DHX58: variants seen among roughly 807,000 people sequenced by gnomAD.
The protein encoded by DHX58 is DExH-box helicase 58.
A neutral mutation model predicts 65.0 loss-of-function variants in DHX58; 51 were observed. That is an observed-to-expected ratio of 0.78 (90% CI 0.63 to 0.99). The LOEUF (loss-of-function observed/expected upper bound fraction) is 0.99. Ranked by LOEUF, DHX58 falls within the 50% of genes least tolerant of loss-of-function variation. The pLI, the probability that DHX58 is intolerant of heterozygous loss-of-function variation, is 0.00. For missense variants in DHX58, 773 were observed against 891.8 expected, an observed-to-expected ratio of 0.87 and a Z score of 1.70; for synonymous variants, 350 against 365.0, an observed-to-expected ratio of 0.96 and a Z score of 0.47.
intron 9 of DHX58, 124 bp downstream of exon 9, chr17:42,105,612 T>G: frequency 6.8e-7 from 1 of 1,468,404 alleles, no homozygotes; most frequent in Non-Finnish European, 8.9e-7. Flanking sequence ...TGCCTGGGGA[T>G]AGTCAACTTT....
Position 42,101,871 on chromosome 17 carries a change from G to T in DHX58, c.1927C>A (p.Pro643Thr), listed in dbSNP as rs2053984291. The T allele has an allele frequency of 6.2e-7, 1 of 1,614,102 alleles. No individual in the cohort carries two copies. Reference protein sequence around the residue: ...LKVRSMLLETPQGRIQAKKWS... With the variant: ...LKVRSMLLETTQGRIQAKKWS... Reference sequence around the variant, plus strand: ...TTTTTGGCCTGGATCCGCCCCTGAGGGGTCTCCAGCAGCATGCTGCGGACT... The same window carrying T: ...TTTTTGGCCTGGATCCGCCCCTGAGTGGTCTCCAGCAGCATGCTGCGGACT... The change falls in exon 14 of 14, where the codon CCT (proline) becomes ACT (threonine). Residue 643 changes from proline to threonine, a missense_variant. Transcript: ENST00000251642.
chr17:42,104,727 C>T (rs782746629), intron 11 of DHX58, 39 bp downstream of exon 11: 1 of 1,607,402 alleles, frequency 6.2e-7, no homozygotes, highest in Non-Finnish European at 8.5e-7. Flanking sequence ...GCTCCCTCCT[C>T]CCCATCCCTC....
chr17:42,111,984 A>T, intron 2 of DHX58, 91 bp from the exon 3 acceptor site: 1 of 1,471,766 alleles, frequency 6.8e-7, no homozygotes, highest in Non-Finnish European at 9.1e-7. Flanking sequence ...CCCTTTGCCC[A>T]GGACTCCACC....
At position 42,107,585 on chromosome 17, in the gene DHX58, G is replaced by GCCCCCACCCC; in HGVS notation, c.997+18_997+19insGGGGTGGGGG. ...AGGTCCCATCATCCCCGGCCCCGAA[G>GCCCCCACCCC]CCCCCTCCCGCCCCTCACCATCGAA... On this transcript the variant is annotated intron_variant, in intron 8 of 13. Transcript: ENST00000251642. The GCCCCCACCCC allele has an allele frequency of 8.4e-7, 1 of 1,193,364 alleles. No individual in the cohort carries two copies. The highest frequency in any genetic ancestry group is 1.2e-6 in the Non-Finnish European group (1 of 854,254). The allele number at this position is 1,193,364 out of a possible 1,614,324, so 73.9% of individuals were successfully genotyped here. A position where few individuals can be genotyped will look rare whatever the true frequency, so the allele number is the denominator to read the frequency against.
intron 9 of DHX58, among the ~76,000 whole-genome samples, chr17:42,105,430 C>A (rs899280532): frequency 6.6e-6 from 1 of 152,118 alleles, no homozygotes; most frequent in Non-Finnish European, 1.5e-5. Context: ...AAGCCATAGT[C>A]TTCTGCAAGG....
chr17:42,108,282 A>C (rs2054096675), intron 6 of DHX58, among the ~76,000 whole-genome samples, 174 bp from the exon 7 acceptor site: 1 of 151,904 alleles, frequency 6.6e-6, no homozygotes, highest in South Asian at 2.1e-4. Context: ...GCCCTGTCTC[A>C]CCCGCGATGT....
In DHX58 at chr17:42,103,607, C is replaced by T. The variant is rs372855693; in HGVS notation, c.1754+1G>A. The stretch of plus-strand genomic sequence containing the variant: ...CCAGTAGCCCCTTCCACAGGTCTCA[C>T]GAGAAGTTGGGGTTCACATTGACAT... On this transcript the variant is annotated splice_donor_variant, in intron 12 of 13. Coordinates refer to ENST00000251642, the MANE Select transcript of DHX58 (RefSeq NM_024119.3). LOFTEE classifies it high-confidence loss of function. The T allele has an allele frequency of 9.9e-6, 16 of 1,613,884 alleles. No individual in the cohort carries two copies. Among genetic ancestry groups the T allele is most frequent in the South Asian group, 2.2e-5 (2 of 91,060 alleles).
Position 42,107,731 on chromosome 17 carries a change from C to T in DHX58, c.870G>A (p.Ala290=), listed in dbSNP as rs1555663074. The T allele has an allele frequency of 2.5e-6, 4 of 1,606,944 alleles. No homozygotes were observed. Among genetic ancestry groups the T allele is most frequent in the Non-Finnish European group, 1.7e-6 (2 of 1,176,608 alleles). ...YALHLRRYND[A]LLIHDTVRAV... ...CGCGGACGGTGTCATGGATGAGCAG[C>T]GCGTCATTGTAGCGCCTCAGGTGAA... Residue 290 remains alanine, a synonymous_variant, in exon 8 of 14, where the codon GCG becomes GCA. Transcript: ENST00000251642.
At chr17:42,107,235 G>A (rs1419864571) in intron 8 of DHX58, among the ~76,000 whole-genome samples, 1 of 152,002 alleles carries the variant, frequency 6.6e-6, no homozygotes, top group South Asian at 2.1e-4. Context: ...GAGTGGTGGT[G>A]CCCACCTGTA....
intron 6 of DHX58, 125 bp from the exon 7 acceptor site, chr17:42,108,233 A>T: frequency 6.9e-7 from 1 of 1,450,542 alleles, no homozygotes; most frequent in Non-Finnish European, 9.3e-7. Flanking sequence ...CTGTGGTGTG[A>T]GCTCCAGAGG....
At position 42,110,744 on chromosome 17, in the gene DHX58, C is replaced by T; in HGVS notation, c.540G>A (p.Gly180=). 6.2e-7 allele frequency: 1 copy of T among 1,608,832 alleles called. No individual in the cohort carries two copies. The highest frequency in any genetic ancestry group is 8.5e-7 in the Non-Finnish European group (1 of 1,177,294). ...PGTGGASKLD[G]AINHVLQLCA... ...TGACCTGCAGGACGTGGTTGATGGCCCCATCGAGTTTGGAGGCCCCGCCAG... is the reference window on the plus strand; with the variant it reads ...TGACCTGCAGGACGTGGTTGATGGCTCCATCGAGTTTGGAGGCCCCGCCAG... Residue 180 remains glycine, a synonymous_variant, in exon 5 of 14, where the codon GGG becomes GGA. Coordinates refer to ENST00000251642, the MANE Select transcript of DHX58 (RefSeq NM_024119.3).
intron 11 of DHX58, among the ~76,000 whole-genome samples, chr17:42,104,169 G>C (rs896916083): frequency 6.6e-6 from 1 of 151,108 alleles, no homozygotes; most frequent in Non-Finnish European, 1.5e-5. Flanking sequence ...ATTGTGCCAT[G>C]CACTCCAGCC....
At chr17:42,102,433 G>T in intron 12 of DHX58, 121 bp from the exon 13 acceptor site, 1 of 799,184 alleles carries the variant, frequency 1.3e-6, no homozygotes, top group African/African-American at 1.7e-5. Flanking sequence ...AAGAGGCACA[G>T]ACTTCCCAGG....
rs2054081341 is a variant in DHX58 at position 42,107,601 on chromosome 17, C to T, written c.997+3G>A. 1.8e-5 allele frequency: 28 copies of T among 1,582,816 alleles called. No individual in the cohort carries two copies. Among genetic ancestry groups the T allele is most frequent in the Non-Finnish European group, 2.3e-5 (27 of 1,161,390 alleles). ...GGCCCCGAAGCCCCCTCCCGCCCCTCACCATCGAACAGGGCCAGCAGCCGG... is the reference window on the plus strand; with the variant it reads ...GGCCCCGAAGCCCCCTCCCGCCCCTTACCATCGAACAGGGCCAGCAGCCGG... On this transcript the variant is annotated splice_donor_region_variant and intron_variant, in intron 8 of 13. Transcript: ENST00000251642.
Position 42,108,103 on chromosome 17 carries a change from C to CTT in DHX58, c.683_684insAA (p.Phe229SerfsTer6). On this transcript the variant is annotated frameshift_variant, in exon 7 of 14. Transcript: ENST00000251642. LOFTEE classifies it high-confidence loss of function. Reference sequence around the variant, plus strand: ...TGAGCTTCTTCAGCAAGTCCCCAAACGGATCCTGAGCAAGAGGAGAGTTGG... The same window carrying CTT: ...TGAGCTTCTTCAGCAAGTCCCCAAACTTGGATCCTGAGCAAGAGGAGAGTTGG... 1 of 1,614,246 alleles carries CTT rather than the reference C, an allele frequency of 6.2e-7. No homozygotes were observed. Among genetic ancestry groups the CTT allele is most frequent in the Non-Finnish European group, 8.5e-7 (1 of 1,180,044 alleles).
chr17:42,104,945 G>C lies in DHX58; in HGVS notation c.1402-18C>G. 6.2e-7 allele frequency: 1 copy of C among 1,613,832 alleles called. No homozygotes were observed. ...CCCCTGGCCTGGGAAGAGAGACAAG[G>C]GGTGTCCTGAGTTGGGCTGGGGCCC... On this transcript the variant is annotated intron_variant, in intron 10 of 13. Transcript: ENST00000251642.
At position 42,102,329 on chromosome 17, in the gene DHX58, G is replaced by T. The variant is rs782283402; in HGVS notation, c.1755-17C>A. On this transcript the variant is annotated splice_polypyrimidine_tract_variant and intron_variant, in intron 12 of 13. Coordinates refer to ENST00000251642, the MANE Select transcript of DHX58 (RefSeq NM_024119.3). Reference sequence around the variant, plus strand: ...TAGTAGTTCCTGGAGAGGAAGGGGGGTGGCCACAGCCCTCATTGACCCTCC... The same window carrying T: ...TAGTAGTTCCTGGAGAGGAAGGGGGTTGGCCACAGCCCTCATTGACCCTCC... The T allele has an allele frequency of 1.9e-5, 30 of 1,609,284 alleles. No individual in the cohort carries two copies. Among genetic ancestry groups the T allele is most frequent in the Middle Eastern group, 1.7e-4 (1 of 6,054 alleles).
intron 11 of DHX58, among the ~76,000 whole-genome samples, chr17:42,104,492 G>C (rs1466495483): frequency 6.6e-6 from 1 of 152,114 alleles, no homozygotes; most frequent in African/African-American, 2.4e-5. Flanking sequence ...TTCCAGAAAG[G>C]CTGTAATGCA....
In DHX58 at chr17:42,111,540, G is replaced by T. The variant is rs782362695; in HGVS notation, c.169-43C>A. On this transcript the variant is annotated intron_variant, in intron 3 of 13. Transcript: ENST00000251642. ...GCTGGGAAAAGAGAGCTGAATCTGGGGCCAGGGGTAGGGAGGCGGTAAGGT... is the reference window on the plus strand; with the variant it reads ...GCTGGGAAAAGAGAGCTGAATCTGGTGCCAGGGGTAGGGAGGCGGTAAGGT... 1.6e-5 allele frequency: 25 copies of T among 1,608,716 alleles called. No homozygotes were observed. In the South Asian group the frequency reaches 2.0e-4, roughly 13 times the overall value.
Sources: gnomAD v4.1 joint callset for allele counts (sites outside exome capture counted in the v4.1 genomes callset) on GRCh38, gnomAD v4.1.1 for gene constraint, MANE v1.5 for transcripts, NCBI Gene and HGNC (gene_info 2026-07-23, HGNC 2026-07-21) for gene names.